Variants in GALNTL6 observed in about 807,000 individuals in gnomAD.
The protein encoded by GALNTL6 is polypeptide N-acetylgalactosaminyltransferase-like 6.
GALNTL6 carries 46 observed loss-of-function variants against 73.7 expected under a neutral mutation model. The ratio of observed to expected loss-of-function variants is 0.62; its 90% confidence interval spans 0.49 to 0.80. GALNTL6 has a LOEUF of 0.80. GALNTL6 is among the 30% of genes least tolerant of loss of function. The pLI is 0.00. For missense variants in GALNTL6, 604 were observed against 755.0 expected (o/e 0.80, Z 2.34); for synonymous variants, 259 against 263.7 (o/e 0.98, Z 0.17).
chr4:172,824,390 GTGTGTT>G (rs367808746), intron 7 of GALNTL6, among the ~76,000 whole-genome samples: 13,267 of 115,208 alleles, frequency 0.12, 627 homozygotes, highest in East Asian at 0.22. Flanking sequence ...GTGTGTGTGT[GTGTGTT>G]TGTGTGTGTG....
chr4:172,445,470 A>T (rs775661428), intron 5 of GALNTL6, among the ~76,000 whole-genome samples: 10 of 152,202 alleles, frequency 6.6e-5, no homozygotes, highest in Non-Finnish European at 8.8e-5. Context: ...GAAACCATTG[A>T]TAGGCAGATA....
intron 5 of GALNTL6, among the ~76,000 whole-genome samples, chr4:172,736,261 C>T (rs1263758887): frequency 1.3e-5 from 2 of 152,198 alleles, no homozygotes; most frequent in African/African-American, 4.8e-5. Context: ...CTGCATAAGA[C>T]AGACACTCCC....
intron 5 of GALNTL6, among the ~76,000 whole-genome samples, chr4:172,449,487 C>T (rs1273551409): frequency 1.3e-5 from 2 of 152,146 alleles, no homozygotes; most frequent in Non-Finnish European, 2.9e-5. Context: ...TTATATCTTG[C>T]CAAAGTCAAT....
intron 2 of GALNTL6, among the ~76,000 whole-genome samples, chr4:172,112,600 GT>G (rs1732882881): frequency 1.3e-5 from 2 of 151,980 alleles, no homozygotes; most frequent in South Asian, 4.1e-4. Flanking sequence ...TAATAGGTGT[GT>G]AGTTGTATGT....
intron 5 of GALNTL6, chr4:172,668,977 G>T (rs1452020073): frequency 2.6e-5 from 4 of 151,766 alleles, no homozygotes; most frequent in Non-Finnish European, 5.9e-5. Flanking sequence ...GGAAATGTAA[G>T]CATTAAACTC....
At chr4:171,972,131 T>C (rs1399564387) in intron 2 of GALNTL6, among the ~76,000 whole-genome samples, 2 of 152,190 alleles carry the variant, frequency 1.3e-5, no homozygotes, top group African/African-American at 2.4e-5. Flanking sequence ...TCCAAAGTTA[T>C]TCACATGCCA....
chr4:173,015,989 A>G (rs1213005314), intron 11 of GALNTL6, among the ~76,000 whole-genome samples: 1 of 152,230 alleles, frequency 6.6e-6, no homozygotes, highest in African/African-American at 2.4e-5. Context: ...CAGCTCCAGC[A>G]TGGCTAAAAG....
chr4:172,450,814 C>T (rs1234281477), intron 5 of GALNTL6, among the ~76,000 whole-genome samples: 2 of 152,234 alleles, frequency 1.3e-5, no homozygotes, highest in African/African-American at 2.4e-5. Context: ...GTTCAAGTCT[C>T]AACTCAAATG....
At chr4:172,207,838 A>G (rs1452364557) in intron 2 of GALNTL6, among the ~76,000 whole-genome samples, 1 of 152,250 alleles carries the variant, frequency 6.6e-6, no homozygotes, top group African/African-American at 2.4e-5. Flanking sequence ...TAAGTACATG[A>G]TACACATCAA....
intron 2 of GALNTL6, among the ~76,000 whole-genome samples, chr4:171,915,890 C>A (rs1433253243): frequency 1.3e-5 from 2 of 151,992 alleles, no homozygotes; most frequent in African/African-American, 4.8e-5. Context: ...TCTGTAAACA[C>A]CTTAATTCTC....
At chr4:173,032,273 C>T (rs181932450) in intron 12 of GALNTL6, among the ~76,000 whole-genome samples, 3,461 of 152,198 alleles carry the variant, frequency 0.023, 72 homozygotes, top group Non-Finnish European at 0.032. Context: ...CACGGTGAAA[C>T]CCCGTCTCTA....
intron 5 of GALNTL6, among the ~76,000 whole-genome samples, chr4:172,452,269 C>CA (rs926077853): frequency 3.4e-5 from 5 of 149,114 alleles, no homozygotes; most frequent in South Asian, 2.1e-4. Context: ...TAAAAGTGAA[C>CA]AAAAAAAAGA....
intron 5 of GALNTL6, among the ~76,000 whole-genome samples, chr4:172,380,793 T>C (rs146600369): frequency 1.3e-5 from 2 of 152,354 alleles, no homozygotes; most frequent in South Asian, 2.1e-4. Context: ...ACAATAGACA[T>C]TTAGAACATC....
At chr4:172,635,953 C>T (rs1739655148) in intron 5 of GALNTL6, among the ~76,000 whole-genome samples, 2 of 152,120 alleles carry the variant, frequency 1.3e-5, no homozygotes, top group Admixed American at 6.6e-5. Flanking sequence ...TCTGTAAAAG[C>T]TATGGATTTC....
chr4:172,643,278 A>G (rs1212797208), intron 5 of GALNTL6, among the ~76,000 whole-genome samples: 1 of 151,968 alleles, frequency 6.6e-6, no homozygotes, highest in Non-Finnish European at 1.5e-5. Context: ...TAAGCAAATG[A>G]CTTTGATTAC....
chr4:172,690,651 T>C (rs1733223795), intron 5 of GALNTL6, among the ~76,000 whole-genome samples: 1 of 152,216 alleles, frequency 6.6e-6, no homozygotes, highest in Non-Finnish European at 1.5e-5. Flanking sequence ...AGTGGATTAC[T>C]CTCATGTACT....
intron 5 of GALNTL6, among the ~76,000 whole-genome samples, chr4:172,462,243 C>T (rs1168354825): frequency 3.3e-5 from 5 of 152,100 alleles, no homozygotes; most frequent in Admixed American, 1.3e-4. Flanking sequence ...TGAGCTAATT[C>T]CCTGTTATCT....
At chr4:172,046,065 A>C (rs907387878) in intron 2 of GALNTL6, among the ~76,000 whole-genome samples, 8 of 152,026 alleles carry the variant, frequency 5.3e-5, no homozygotes, top group African/African-American at 1.9e-4. Flanking sequence ...CATAGTGTAT[A>C]TATACCACAT....
intron 3 of GALNTL6, among the ~76,000 whole-genome samples, chr4:172,293,458 T>C (rs796929928): frequency 2.0e-4 from 30 of 150,888 alleles, no homozygotes; most frequent in African/African-American, 7.4e-4. Context: ...AACCTCAAGT[T>C]TGAGAGAAGG....
Sources: allele counts gnomAD v4.1 joint callset (sites outside exome capture counted in the v4.1 genomes callset), GRCh38; gene constraint gnomAD v4.1.1; transcripts MANE v1.5; gene names NCBI Gene and HGNC (gene_info 2026-07-23, HGNC 2026-07-21).